The following ABCC6 variants were observed in gnomAD, a reference collection of about 807,000 sequenced individuals.
ABCC6 encodes the protein ATP binding cassette subfamily C member 6, also known as ATP-binding cassette sub-family C member 6.
A neutral mutation model predicts 169.5 loss-of-function variants in ABCC6; 126 were observed. That is an observed-to-expected ratio of 0.74 (90% CI 0.64 to 0.86). ABCC6 has a LOEUF of 0.86. Ranked by LOEUF, ABCC6 falls within the 40% of genes least tolerant of loss-of-function variation. ABCC6 has a pLI of 0.00. For synonymous variants in ABCC6, 752 were observed against 814.7 expected, an observed-to-expected ratio of 0.92 and a Z score of 1.31; for missense variants, 1,733 against 1,927.2, an observed-to-expected ratio of 0.90 and a Z score of 1.89.
intron 10 of ABCC6, among the ~76,000 whole-genome samples, chr16:16,193,730 A>C (rs1295558310): frequency 3.3e-5 from 5 of 152,008 alleles, no homozygotes; most frequent in East Asian, 1.9e-4. Flanking sequence ...CAAACAAACA[A>C]ACACTTGCTT....
At position 16,178,828 on chromosome 16, in the gene ABCC6, G is replaced by A. The variant is rs761484572; in HGVS notation, c.2385C>T (p.Val795=). Residue 795 remains valine (V), a synonymous_variant, in exon 18 of 31, where the codon GTC becomes GTT. Transcript: ENST00000205557. Reference sequence around the variant, plus strand: ...CCTGGAGTAGTCCACCAGGCCCAATGACCTGGTTGAAGACATGCTGGCCAA... The same window carrying A: ...CCTGGAGTAGTCCACCAGGCCCAATAACCTGGTTGAAGACATGCTGGCCAA... ...AHVGQHVFNQ[V]IGPGGLLQGT... 5.0e-6 allele frequency: 8 copies of A among 1,613,758 alleles called. No individual in the cohort carries two copies. The highest frequency in any genetic ancestry group is 2.2e-5 in the East Asian group (1 of 44,886).
chr16:16,158,523 A>ACCATTTCTT (rs1171286623), intron 26 of ABCC6, among the ~76,000 whole-genome samples: 2 of 151,766 alleles, frequency 1.3e-5, no homozygotes, highest in African/African-American at 4.8e-5. Flanking sequence ...TCCATCTCTC[A>ACCATTTCTT]CCATTTCTTC....
At chr16:16,195,332 A>G (rs900652971) in intron 10 of ABCC6, among the ~76,000 whole-genome samples, 4 of 73,684 alleles carry the variant, frequency 5.4e-5, no homozygotes, top group Non-Finnish European at 8.2e-5. Context: ...TTTTTTTTTT[A>G]GAAGGAGTCT....
chr16:16,215,223 T>C (rs1163120171), intron 4 of ABCC6, among the ~76,000 whole-genome samples: 1 of 152,120 alleles, frequency 6.6e-6, no homozygotes, highest in East Asian at 1.9e-4. Flanking sequence ...TCTCATCAGC[T>C]GGAGTTTACT....
rs973939707 is a variant in ABCC6 at position 16,185,247 on chromosome 16, G to T, written c.1868-213C>A. Among the ~76,000 whole-genome samples, 31 of 152,218 alleles carry T rather than the reference G, an allele frequency of 2.0e-4. 1 individual carries two copies. Among genetic ancestry groups the T allele is most frequent in the African/African-American group, 6.3e-4 (26 of 41,470 alleles). On this transcript the variant is annotated intron_variant, in intron 14 of 30. Transcript: ENST00000205557. ...CGTGTCCCATGGCTACATAATCCAG[G>T]GGGAGGCAAACTGTGGCCCAGAGAC...
intron 23 of ABCC6, among the ~76,000 whole-genome samples, chr16:16,163,840 A>C (rs1428199544): frequency 6.6e-6 from 1 of 152,148 alleles, no homozygotes; most frequent in African/African-American, 2.4e-5. Flanking sequence ...CGCGTCATTC[A>C]TCAGTTAGTG....
intron 17 of ABCC6, among the ~76,000 whole-genome samples, chr16:16,179,563 G>A (rs549434864): frequency 6.7e-4 from 102 of 152,132 alleles, no homozygotes; most frequent in African/African-American, 2.4e-3. Flanking sequence ...CGTTGATTGT[G>A]CACTTCTATT....
chr16:16,220,833 G>A (rs1596779037), intron 2 of ABCC6, among the ~76,000 whole-genome samples: 1 of 151,210 alleles, frequency 6.6e-6, no homozygotes, highest in African/African-American at 2.4e-5. Context: ...GGAGGCGGAG[G>A]TTGCAGTGAG....
In ABCC6 at chr16:16,163,209, G is replaced by C. The variant is rs368254373; in HGVS notation, c.3307-17C>G. On this transcript the variant is annotated splice_polypyrimidine_tract_variant and intron_variant, in intron 23 of 30. Transcript: ENST00000205557. ...ATACAGGCTCTGAGAAGGATGGATG[G>C]GAGAGGGAAGAGGAGAAGCCACAGA... The C allele has an allele frequency of 1.3e-5, 21 of 1,611,066 alleles. No individual in the cohort carries two copies. In the African/African-American group the frequency reaches 2.4e-4, roughly 18 times the overall value.
intron 22 of ABCC6, among the ~76,000 whole-genome samples, chr16:16,166,600 C>G (rs2046882632): frequency 6.6e-6 from 1 of 151,796 alleles, no homozygotes; most frequent in Admixed American, 6.6e-5. Flanking sequence ...CCACGAGGGG[C>G]CGGGCACAGT....
intron 21 of ABCC6, chr16:16,172,958 C>T (rs1210093731): frequency 1.3e-5 from 5 of 384,374 alleles, no homozygotes; most frequent in Non-Finnish European, 2.4e-5. Context: ...AGGAGGATTG[C>T]TTTAGCCCAG....
In ABCC6 at chr16:16,187,153, C is replaced by T; in HGVS notation, c.1838G>A (p.Gly613Asp). ...TCCAGAGGAACTTGAGTCTACGACA[C>T]CAGGGTCAACTTCTTCCAGGCAGAG... Reference protein sequence around the residue: ...TFLCLEEVDPGVVDSSSSGSA... With the variant: ...TFLCLEEVDPDVVDSSSSGSA... The change falls in exon 14 of 31, where the codon GGT becomes GAT. Residue 613 changes from glycine (G) to aspartate (D), a missense_variant. Gly to Asp is a moderately conservative substitution (Grantham distance 94). Transcript: ENST00000205557. 1 of 1,613,728 alleles carries T rather than the reference C, an allele frequency of 6.2e-7. No homozygotes were observed. Among genetic ancestry groups the T allele is most frequent in the Non-Finnish European group, 8.5e-7 (1 of 1,179,782 alleles).
chr16:16,173,185 A>T, intron 21 of ABCC6, 99 bp downstream of exon 21: 2 of 1,546,946 alleles, frequency 1.3e-6, no homozygotes, highest in Non-Finnish European at 1.8e-6. Context: ...TGCTCAAGAA[A>T]GGTGAGTATC....
Position 16,177,428 on chromosome 16 carries a change from G to A in ABCC6, c.2590+24C>T, listed in dbSNP as rs771465667. On this transcript the variant is annotated intron_variant, in intron 19 of 30. Transcript: ENST00000205557. ...AAGGGTGGCAGGAGCCAGGCCTGGAGAATCAGCAAAGCCCACCTAGTACCT... is the reference window on the plus strand; with the variant it reads ...AAGGGTGGCAGGAGCCAGGCCTGGAAAATCAGCAAAGCCCACCTAGTACCT... 60 of 1,613,734 alleles carry A rather than the reference G, an allele frequency of 3.7e-5. No homozygotes were observed. The Middle Eastern group carries it at 6.6e-4, about 18-fold the overall frequency.
chr16:16,182,761 C>G (rs746525532), intron 16 of ABCC6, 43 bp downstream of exon 16: 1 of 1,612,308 alleles, frequency 6.2e-7, no homozygotes, highest in South Asian at 1.1e-5. Flanking sequence ...GTGGGACTTT[C>G]AGGATGGGGA....
intron 7 of ABCC6, among the ~76,000 whole-genome samples, chr16:16,206,390 C>G (rs1386142846): frequency 6.6e-6 from 1 of 151,930 alleles, no homozygotes; most frequent in African/African-American, 2.4e-5. Flanking sequence ...TTTGGGAGGC[C>G]AATGCGGGCG....
chr16:16,209,090 T>TATA (rs1336535562), intron 6 of ABCC6, among the ~76,000 whole-genome samples: 1 of 151,946 alleles, frequency 6.6e-6, no homozygotes, highest in African/African-American at 2.4e-5. Flanking sequence ...GGTAGGTTAT[T>TATA]ATTGTTTGTT....
intron 7 of ABCC6, among the ~76,000 whole-genome samples, chr16:16,204,725 G>A (rs2048339124): frequency 6.6e-6 from 1 of 152,168 alleles, no homozygotes; most frequent in African/African-American, 2.4e-5. Context: ...GTCCTGGGCG[G>A]GGACACTGCT....
At chr16:16,189,955 C>A (rs74009610) in intron 12 of ABCC6, among the ~76,000 whole-genome samples, 1,601 of 152,220 alleles carry the variant, frequency 0.011, 24 homozygotes, top group African/African-American at 0.036. Flanking sequence ...GTTCAGCAGA[C>A]TTTATCAGCC....
Sources: gnomAD v4.1 joint callset for allele counts (sites outside exome capture counted in the v4.1 genomes callset) on GRCh38, gnomAD v4.1.1 for gene constraint, MANE v1.5 for transcripts, NCBI Gene and HGNC (gene_info 2026-07-23, HGNC 2026-07-21) for gene names.